The following CLASP1 variants were observed in gnomAD, a reference collection of about 807,000 sequenced individuals.
CLASP1 encodes the protein cytoplasmic linker associated protein 1.
Under a neutral mutation model 192.3 loss-of-function variants are expected in CLASP1, and 38 were observed. The observed-to-expected ratio is 0.20, with a 90% confidence interval of 0.15 to 0.26. CLASP1 has a LOEUF of 0.26. CLASP1 is among the 10% of genes least tolerant of loss of function. The probability of loss-of-function intolerance (pLI) is 1.00; values close to 1 mark genes in which losing one functional copy is unlikely to be tolerated. For synonymous variants in CLASP1, 691 were observed against 712.8 expected, an observed-to-expected ratio of 0.97 and a Z score of 0.49; for missense variants, 1,433 against 1,932.5, an observed-to-expected ratio of 0.74 and a Z score of 4.85.
At chr2:121,352,897 AC>A (rs2064763482) in intron 37 of CLASP1, among the ~76,000 whole-genome samples, 1 of 151,856 alleles carries the variant, frequency 6.6e-6, no homozygotes, top group African/African-American at 2.4e-5. Context: ...CAAGTGATCC[AC>A]CCACCTCAGC....
At chr2:121,596,864 C>T (rs2063200722) in intron 2 of CLASP1, among the ~76,000 whole-genome samples, 1 of 152,180 alleles carries the variant, frequency 6.6e-6, no homozygotes, top group Non-Finnish European at 1.5e-5. Flanking sequence ...ACACTGTGCA[C>T]CGCCCTCTCA....
chr2:121,600,937 C>T (rs146415802), intron 2 of CLASP1, among the ~76,000 whole-genome samples: 134 of 152,274 alleles, frequency 8.8e-4, no homozygotes, highest in African/African-American at 3.0e-3. Context: ...GGGATGGGCA[C>T]GCAAAGTCAC....
intron 32 of CLASP1, among the ~76,000 whole-genome samples, chr2:121,386,180 A>G (rs1279704673): frequency 6.6e-6 from 1 of 152,222 alleles, no homozygotes; most frequent in African/African-American, 2.4e-5. Flanking sequence ...TAAATGTAAA[A>G]GCAATTATGT....
At chr2:121,591,476 G>A (rs1330017110) in intron 2 of CLASP1, among the ~76,000 whole-genome samples, 1 of 152,074 alleles carries the variant, frequency 6.6e-6, no homozygotes, top group Non-Finnish European at 1.5e-5. Context: ...GCGGTGTGTG[G>A]GTGAGACCCA....
intron 29 of CLASP1, 59 bp from the exon 31 acceptor site, chr2:121,397,342 C>CT (rs2075448093): frequency 2.7e-6 from 4 of 1,484,908 alleles, no homozygotes; most frequent in Non-Finnish European, 3.7e-6. Flanking sequence ...GAACACAATT[C>CT]TTATCAGGTG....
intron 19 of CLASP1, among the ~76,000 whole-genome samples, chr2:121,443,340 T>G (rs1006737491): frequency 2.0e-5 from 3 of 152,166 alleles, no homozygotes; most frequent in African/African-American, 7.2e-5. Context: ...TGATTTCAAT[T>G]CTGTTATATA....
intron 34 of CLASP1, among the ~76,000 whole-genome samples, chr2:121,376,173 C>T (rs1241392322): frequency 1.3e-5 from 2 of 152,104 alleles, no homozygotes; most frequent in Non-Finnish European, 2.9e-5. Flanking sequence ...AATTCCATTA[C>T]TGGGAATTTA....
At chr2:121,486,061 A>G (rs182551781) in intron 8 of CLASP1, among the ~76,000 whole-genome samples, 71 of 152,310 alleles carry the variant, frequency 4.7e-4, no homozygotes, top group African/African-American at 1.6e-3. Flanking sequence ...TAATGTGTGC[A>G]AGCTCCCTGG....
chr2:121,489,292 A>G (rs1026534729), intron 8 of CLASP1, among the ~76,000 whole-genome samples: 1 of 152,266 alleles, frequency 6.6e-6, no homozygotes, highest in Non-Finnish European at 1.5e-5. Flanking sequence ...CAATTTAAAA[A>G]TATGAGCAGA....
intron 23 of CLASP1, among the ~76,000 whole-genome samples, chr2:121,411,599 A>G (rs1020488589): frequency 2.0e-5 from 3 of 152,186 alleles, no homozygotes; most frequent in South Asian, 2.1e-4. Flanking sequence ...TTTAGATAAT[A>G]TAAGTTTTAC....
At chr2:121,601,654 G>A (rs1228583694) in intron 2 of CLASP1, among the ~76,000 whole-genome samples, 1 of 152,126 alleles carries the variant, frequency 6.6e-6, no homozygotes, top group Non-Finnish European at 1.5e-5. Flanking sequence ...GTCCTTCCCA[G>A]AGCAATTAGG....
chr2:121,528,101 T>C (rs936269638), intron 4 of CLASP1, among the ~76,000 whole-genome samples: 3 of 152,256 alleles, frequency 2.0e-5, no homozygotes, highest in African/African-American at 7.2e-5. Flanking sequence ...CACATTCATT[T>C]ACATAATTGC....
intron 8 of CLASP1, among the ~76,000 whole-genome samples, chr2:121,472,378 G>T (rs548290687): frequency 6.6e-6 from 1 of 152,120 alleles, no homozygotes; most frequent in Non-Finnish European, 1.5e-5. Flanking sequence ...TGCAGGCACC[G>T]GACAACGGGC....
At chr2:121,626,582 T>A (rs1576575070) in intron 1 of CLASP1, among the ~76,000 whole-genome samples, 1 of 92,212 alleles carries the variant, frequency 1.1e-5, no homozygotes, top group East Asian at 3.8e-4. Context: ...TTTTGATTCC[T>A]TTTTTTTTGT....
At chr2:121,397,853 C>CT (rs1437383891) in intron 29 of CLASP1, among the ~76,000 whole-genome samples, 3 of 152,220 alleles carry the variant, frequency 2.0e-5, no homozygotes, top group African/African-American at 7.2e-5. Context: ...TACATCCTCC[C>CT]TCAAACTTGG....
intron 8 of CLASP1, among the ~76,000 whole-genome samples, chr2:121,480,888 T>G (rs1271314149): frequency 1.3e-5 from 2 of 152,218 alleles, no homozygotes; most frequent in African/African-American, 4.8e-5. Context: ...AGCCAACAAA[T>G]GGCAGTGCCT....
chr2:121,462,155 T>C (rs2088160361), intron 10 of CLASP1, among the ~76,000 whole-genome samples: 1 of 151,768 alleles, frequency 6.6e-6, no homozygotes. Flanking sequence ...TAAACTAAGC[T>C]CTTATTAAAC....
intron 2 of CLASP1, among the ~76,000 whole-genome samples, chr2:121,572,251 A>G (rs1335891380): frequency 6.6e-6 from 1 of 151,918 alleles, no homozygotes; most frequent in Admixed American, 6.6e-5. Flanking sequence ...ACACGGTGAA[A>G]CCCCGTCTCT....
chr2:121,394,568 T>A (rs906723599), intron 30 of CLASP1, among the ~76,000 whole-genome samples: 2 of 152,208 alleles, frequency 1.3e-5, no homozygotes, highest in African/African-American at 4.8e-5. Context: ...ATGTTATGTG[T>A]CTAGGTGTGA....
Sources: gnomAD v4.1 joint callset for allele counts (sites outside exome capture counted in the v4.1 genomes callset) on GRCh38, gnomAD v4.1.1 for gene constraint, MANE v1.5 for transcripts, NCBI Gene and HGNC (gene_info 2026-07-23, HGNC 2026-07-21) for gene names.